The following WWOX variants were observed in gnomAD, a reference collection of about 807,000 sequenced individuals.
WWOX encodes the protein WW domain containing oxidoreductase.
In WWOX, 69 loss-of-function variants were observed where a neutral mutation model predicts 46.2. That is an observed-to-expected ratio of 1.49 (90% CI 1.23 to 1.82). WWOX has a LOEUF of 1.82. WWOX is among the 40% of genes most tolerant of loss of function. The pLI, the probability that WWOX is intolerant of heterozygous loss-of-function variation, is 0.00. For missense variants in WWOX, 919 were observed against 542.6 expected, an observed-to-expected ratio of 1.69 and a Z score of -6.89; for synonymous variants, 359 against 202.6, an observed-to-expected ratio of 1.77 and a Z score of -6.56.
intron 8 of WWOX, among the ~76,000 whole-genome samples, chr16:78,569,042 G>A (rs543649234): frequency 2.0e-5 from 3 of 152,278 alleles, no homozygotes; most frequent in Admixed American, 6.5e-5. Context: ...AGGCACCTGG[G>A]TGTCAGCCTC....
At chr16:78,783,260 G>T (rs9932263) in intron 8 of WWOX, among the ~76,000 whole-genome samples, 105,732 of 152,120 alleles carry the variant, frequency 0.7, 37,047 homozygotes, top group African/African-American at 0.75. Flanking sequence ...GATTTCAACA[G>T]GCTCCTGTTA....
chr16:79,201,968 A>G (rs1329718728), intron 8 of WWOX, among the ~76,000 whole-genome samples: 1 of 152,246 alleles, frequency 6.6e-6, no homozygotes, highest in African/African-American at 2.4e-5. Flanking sequence ...AAAAAGGGAA[A>G]TGCTCTCAGT....
chr16:78,133,417 C>T (rs1188076460), intron 4 of WWOX, among the ~76,000 whole-genome samples: 2 of 152,156 alleles, frequency 1.3e-5, no homozygotes, highest in Non-Finnish European at 2.9e-5. Flanking sequence ...TGTGCCACCA[C>T]GTCCAGCTAA....
chr16:79,090,786 T>G lies in WWOX; in HGVS notation c.1057-120822T>G, dbSNP rs145773884. On this transcript the variant is annotated intron_variant, in intron 8 of 8. Coordinates refer to ENST00000566780, the MANE Select transcript of WWOX (RefSeq NM_016373.4). Reference sequence around the variant, plus strand: ...GAGGCTTGGCCATGCCCTGCCTTGTTGGTTTTTAGAAAGACTCTGTTTTGG... The same window carrying G: ...GAGGCTTGGCCATGCCCTGCCTTGTGGGTTTTTAGAAAGACTCTGTTTTGG... Among the ~76,000 whole-genome samples, 1,175 of 152,314 alleles carry G rather than the reference T, an allele frequency of 7.7e-3. 11 individuals carry two copies. Among genetic ancestry groups the G allele is most frequent in the African/African-American group, 0.023 (957 of 41,574 alleles).
chr16:78,385,156 C>CACACACACACAG (rs1242193013), intron 5 of WWOX, among the ~76,000 whole-genome samples: 2 of 151,798 alleles, frequency 1.3e-5, no homozygotes, highest in African/African-American at 2.4e-5. Context: ...CACACACACA[C>CACACACACACAG]ACACAAAAGC....
At chr16:79,024,590 T>C (rs1041396411) in intron 8 of WWOX, among the ~76,000 whole-genome samples, 5 of 152,014 alleles carry the variant, frequency 3.3e-5, no homozygotes, top group East Asian at 1.9e-4. Flanking sequence ...CCCACCACCA[T>C]GCCTGGCTAA....
rs2045406253 is a variant in WWOX at position 78,922,656 on chromosome 16, G to A, written c.1057-288952G>A. ...GGCCTCCCAAAGTGCTGGGATTACA[G>A]GCGTGAGCCACGACCACCAGCCTCA... On this transcript the variant is annotated intron_variant, in intron 8 of 8. Coordinates refer to ENST00000566780, the MANE Select transcript of WWOX (RefSeq NM_016373.4). Among the ~76,000 whole-genome samples the A allele has an allele frequency of 2.6e-5, 4 of 152,270 alleles. No homozygotes were observed. In the South Asian group the frequency reaches 8.3e-4, roughly 32 times the overall value.
At chr16:79,190,373 A>C (rs1010616149) in intron 8 of WWOX, among the ~76,000 whole-genome samples, 1 of 152,216 alleles carries the variant, frequency 6.6e-6, no homozygotes, top group South Asian at 2.1e-4. Flanking sequence ...GCGTGTAGCT[A>C]TTAGGCGTAG....
chr16:79,177,583 G>A (rs1048846913), intron 8 of WWOX, among the ~76,000 whole-genome samples: 2 of 152,070 alleles, frequency 1.3e-5, no homozygotes, highest in African/African-American at 4.8e-5. Flanking sequence ...TTGAAAATGG[G>A]TGATGGAGTG....
chr16:78,333,137 G>A (rs779378438), intron 5 of WWOX, among the ~76,000 whole-genome samples: 2 of 131,872 alleles, frequency 1.5e-5, no homozygotes, highest in East Asian at 2.3e-4. Context: ...TGCAACCTTC[G>A]CCTCCCAGGT....
chr16:79,202,884 T>A (rs2051389366), intron 8 of WWOX: 1 of 152,210 alleles, frequency 6.6e-6, no homozygotes, highest in Admixed American at 6.5e-5. Context: ...AGATGAGTAG[T>A]CAGCACATGC....
At chr16:79,005,482 C>T (rs111828951) in intron 8 of WWOX, among the ~76,000 whole-genome samples, 4 of 152,150 alleles carry the variant, frequency 2.6e-5, no homozygotes, top group Non-Finnish European at 5.9e-5. Context: ...ATTTGCAAGT[C>T]GAGGTTTCGG....
intron 8 of WWOX, among the ~76,000 whole-genome samples, chr16:78,645,979 CCTT>C: frequency 2.0e-5 from 3 of 152,192 alleles, no homozygotes; most frequent in Middle Eastern, 6.8e-3. Flanking sequence ...TGGCTCTGCT[CCTT>C]CTCTCCCCCT....
At chr16:78,707,695 C>G (rs1287794395) in intron 8 of WWOX, among the ~76,000 whole-genome samples, 1 of 151,998 alleles carries the variant, frequency 6.6e-6, no homozygotes, top group Non-Finnish European at 1.5e-5. Flanking sequence ...CTAGCCTGGC[C>G]AACATGGTGA....
At chr16:78,440,352 A>G (rs1183602305) in intron 8 of WWOX, among the ~76,000 whole-genome samples, 1 of 152,080 alleles carries the variant, frequency 6.6e-6, no homozygotes, top group East Asian at 1.9e-4. Context: ...CATGTTCTTC[A>G]GCCTAGAATA....
intron 8 of WWOX, among the ~76,000 whole-genome samples, chr16:79,195,641 A>G (rs2051225251): frequency 6.6e-6 from 1 of 152,204 alleles, no homozygotes; most frequent in African/African-American, 2.4e-5. Flanking sequence ...GGATGGGGGA[A>G]AGGGAGAAGG....
chr16:79,042,188 C>T (rs1357334206), intron 8 of WWOX, among the ~76,000 whole-genome samples: 1 of 152,142 alleles, frequency 6.6e-6, no homozygotes, highest in East Asian at 1.9e-4. Context: ...TGATTGAGTG[C>T]CCTAGCTGGG....
intron 5 of WWOX, among the ~76,000 whole-genome samples, chr16:78,227,886 CAAAA>C (rs1036108461): frequency 1.3e-5 from 2 of 150,804 alleles, no homozygotes; most frequent in African/African-American, 5.0e-5. Flanking sequence ...AAAAAACAAA[CAAAA>C]AGAAACATAC....
At chr16:78,372,922 G>A (rs1026689548) in intron 5 of WWOX, among the ~76,000 whole-genome samples, 1 of 152,136 alleles carries the variant, frequency 6.6e-6, no homozygotes, top group South Asian at 2.1e-4. Flanking sequence ...TTGAAAAGTA[G>A]CATCATTAAT....
Sources: allele counts gnomAD v4.1 joint callset (sites outside exome capture counted in the v4.1 genomes callset), GRCh38; gene constraint gnomAD v4.1.1; transcripts MANE v1.5; gene names NCBI Gene and HGNC (gene_info 2026-07-23, HGNC 2026-07-21).